OCRL: variants seen among roughly 807,000 people sequenced by gnomAD.
OCRL encodes the protein inositol polyphosphate 5-phosphatase OCRL.
OCRL carries 8 observed loss-of-function variants against 78.9 expected under a neutral mutation model. That is an observed-to-expected ratio of 0.10 (90% CI 0.06 to 0.18). OCRL has a LOEUF of 0.18. OCRL is among the 10% of genes least tolerant of loss of function. The pLI, the probability that OCRL is intolerant of heterozygous loss-of-function variation, is 1.00. For synonymous variants in OCRL, 240 were observed against 235.4 expected (o/e 1.02, Z -0.18); for missense variants, 454 against 696.7 (o/e 0.65, Z 3.92).
Position 129,558,621 on chromosome X carries a change from T to G in OCRL, c.440-12T>G. ...TTTTTCCCCGTTTGACTTTGGGGTCTGTGTCTTTCAGGGCTTCTTGGATTT... is the reference window on the plus strand; with the variant it reads ...TTTTTCCCCGTTTGACTTTGGGGTCGGTGTCTTTCAGGGCTTCTTGGATTT... On this transcript the variant is annotated splice_polypyrimidine_tract_variant and intron_variant, in intron 6 of 23. Coordinates refer to ENST00000371113, the MANE Select transcript of OCRL (RefSeq NM_000276.4). The G allele has an allele frequency of 8.3e-7, 1 of 1,211,371 alleles. No individual in the cohort carries two copies. Among genetic ancestry groups the G allele is most frequent in the Non-Finnish European group, 1.1e-6 (1 of 894,989 alleles).
rs757758367 is a variant in OCRL at position 129,559,380 on chromosome X, A to G, written c.722+379A>G. Among the ~76,000 whole-genome samples, 14 of 111,752 alleles carry G rather than the reference A, an allele frequency of 1.3e-4. No individual in the cohort carries two copies. In the South Asian group the frequency reaches 1.9e-3, roughly 15 times the overall value. On this transcript the variant is annotated intron_variant, in intron 8 of 23. Coordinates refer to ENST00000371113, the MANE Select transcript of OCRL (RefSeq NM_000276.4). Reference sequence around the variant, plus strand: ...CATCCAGCTAATATTTGTGTTTTTTATAGAGACTGGGTTTCACCAGGTTGC... The same window carrying G: ...CATCCAGCTAATATTTGTGTTTTTTGTAGAGACTGGGTTTCACCAGGTTGC...
chrX:129,572,162 A>G (rs954012367), intron 15 of OCRL, among the ~76,000 whole-genome samples: 4 of 112,176 alleles, frequency 3.6e-5, no homozygotes, highest in Non-Finnish European at 5.6e-5. Flanking sequence ...AGACCTTTGT[A>G]TATGCTTTTT....
At chrX:129,547,156 C>A (rs983433483) in intron 3 of OCRL, among the ~76,000 whole-genome samples, 22 of 111,113 alleles carry the variant, frequency 2.0e-4, no homozygotes, top group East Asian at 1.1e-3. Context: ...TTGAGCCCAG[C>A]AGTTCGAGGC....
chrX:129,566,286 A>AGCT (rs2124409873), intron 13 of OCRL, among the ~76,000 whole-genome samples: 1 of 111,774 alleles, frequency 8.9e-6, no homozygotes, highest in African/African-American at 3.3e-5. Flanking sequence ...GCTGAGGAAC[A>AGCT]GCTTGGAGGT....
chrX:129,559,259 A>G (rs1324922937), intron 8 of OCRL, among the ~76,000 whole-genome samples: 1 of 111,333 alleles, frequency 9.0e-6, no homozygotes, highest in African/African-American at 3.3e-5. Context: ...TGGAGAGCAG[A>G]TAGATCATGG....
intron 15 of OCRL, among the ~76,000 whole-genome samples, chrX:129,572,140 C>A (rs1382335156): frequency 8.9e-6 from 1 of 112,350 alleles, no homozygotes; most frequent in African/African-American, 3.2e-5. Flanking sequence ...TTGTACTGGA[C>A]AGTGCAGTTC....
chrX:129,573,819 C>T (rs753542530), intron 15 of OCRL, among the ~76,000 whole-genome samples: 5 of 111,913 alleles, frequency 4.5e-5, no homozygotes, highest in African/African-American at 1.6e-4. Flanking sequence ...CTCGGCCTCC[C>T]GCAGTGCTAG....
At position 129,547,506 on chromosome X, in the gene OCRL, C is replaced by A. The variant is rs1477524825; in HGVS notation, c.200-1057C>A. Among the ~76,000 whole-genome samples, 6 of 79,380 alleles carry A rather than the reference C, an allele frequency of 7.6e-5. No individual in the cohort carries two copies. In the Admixed American group the frequency reaches 1.1e-3, roughly 14 times the overall value. The allele number at this position is 79,380 out of a possible 115,157, so 68.9% of individuals were successfully genotyped here. A position where few individuals can be genotyped will look rare whatever the true frequency, so the allele number is the denominator to read the frequency against. ...TGCCACTGCACTCCAGCCTGGGTGA[C>A]AGAGCAAGACTCCGTCTCAAAAAAA... On this transcript the variant is annotated intron_variant, in intron 3 of 23. Coordinates refer to ENST00000371113, the MANE Select transcript of OCRL (RefSeq NM_000276.4).
At chrX:129,575,507 C>G (rs1401725477) in intron 16 of OCRL, 5 of 389,960 alleles carry the variant, frequency 1.3e-5, no homozygotes, top group Non-Finnish European at 2.2e-5. Context: ...ATGCAAAGCT[C>G]TCAGAACAGC....
chrX:129,585,080 T>G (rs1473876190), intron 19 of OCRL, among the ~76,000 whole-genome samples: 9 of 112,510 alleles, frequency 8.0e-5, no homozygotes, highest in African/African-American at 2.9e-4. Context: ...TGAATGTGTC[T>G]TGTTGAAAGA....
At chrX:129,565,681 T>G in intron 12 of OCRL, 91 bp from the exon 13 acceptor site, 1 of 678,745 alleles carries the variant, frequency 1.5e-6, no homozygotes, top group Non-Finnish European at 2.4e-6. Flanking sequence ...TGAGCCCTTA[T>G]CAATAATCTA....
chrX:129,562,410 G>A lies in OCRL; in HGVS notation c.966G>A (p.Met322Ile). ...KKVQLVRLVGMMLLIFARKDQ... is the reference protein window; with the variant it reads ...KKVQLVRLVGIMLLIFARKDQ... ...TTCAACTGGTGCGCCTTGTTGGGAT[G>A]ATGCTTCTTATATTTGCCAGAAAGG... Residue 322 changes from methionine to isoleucine, a missense_variant, in exon 11 of 24, where the codon ATG becomes ATA. By Grantham distance (10) the Met-to-Ile change is conservative. Transcript: ENST00000371113. The A allele has an allele frequency of 8.3e-7, 1 of 1,210,817 alleles. No individual in the cohort carries two copies. Among genetic ancestry groups the A allele is most frequent in the Non-Finnish European group, 1.1e-6 (1 of 894,539 alleles).
At chrX:129,565,321 G>C in intron 12 of OCRL, among the ~76,000 whole-genome samples, 1 of 111,833 alleles carries the variant, frequency 8.9e-6, no homozygotes, top group Non-Finnish European at 1.9e-5. Context: ...ACTTTTCTTA[G>C]TGGGTCCTGC....
intron 18 of OCRL, 91 bp from the exon 19 acceptor site, chrX:129,584,249 TAGTG>T (rs1936481517): frequency 6.9e-6 from 5 of 729,755 alleles, no homozygotes; most frequent in East Asian, 3.2e-5. Flanking sequence ...TCTGGTAAGA[TAGTG>T]AGTTCTAATA....
At chrX:129,544,922 A>G (rs759051484) in intron 2 of OCRL, 36 bp from the exon 3 acceptor site, 7 of 859,513 alleles carry the variant, frequency 8.1e-6, no homozygotes, top group Non-Finnish European at 1.2e-5. Context: ...TGAGTTTTTC[A>G]GTGGCTGTTC....
At chrX:129,567,386 A>T in intron 14 of OCRL, 23 bp downstream of exon 14, 1 of 1,011,941 alleles carries the variant, frequency 9.9e-7, no homozygotes, top group Non-Finnish European at 1.4e-6. Flanking sequence ...GAACCTTCTC[A>T]CAGAGAAGGT....
intron 14 of OCRL, among the ~76,000 whole-genome samples, chrX:129,568,296 A>G (rs1936249911): frequency 9.0e-6 from 1 of 111,113 alleles, no homozygotes; most frequent in Non-Finnish European, 1.9e-5. Context: ...TCTACCTACT[A>G]TCTCTTTCTT....
chrX:129,589,936 G>A lies in OCRL; in HGVS notation c.2561G>A (p.Ser854Asn). The A allele has an allele frequency of 8.3e-7, 1 of 1,202,845 alleles. No homozygotes were observed. The highest frequency in any genetic ancestry group is 1.1e-6 in the Non-Finnish European group (1 of 887,400). The change falls in exon 23 of 24, where the codon AGC (serine) becomes AAC (asparagine). Residue 854 changes from serine to asparagine, a missense_variant. Physicochemically the swap from Ser to Asn is conservative, Grantham distance 46. Coordinates refer to ENST00000371113, the MANE Select transcript of OCRL (RefSeq NM_000276.4). ...CTCTTAAAATTCTCTGAATACAATA[G>A]CGTCAATGCCAACATGATCGGTAAG... ...RELLKFSEYN[S>N]VNANMIATLF...
intron 14 of OCRL, 120 bp downstream of exon 14, chrX:129,567,483 A>G (rs1012410706): frequency 1.3e-4 from 63 of 500,189 alleles, no homozygotes; most frequent in Middle Eastern, 3.4e-4. Flanking sequence ...TATAAACCTA[A>G]TGGCTCAGTG....
Sources: allele counts gnomAD v4.1 joint callset (sites outside exome capture counted in the v4.1 genomes callset), GRCh38; gene constraint gnomAD v4.1.1; transcripts MANE v1.5; gene names NCBI Gene and HGNC (gene_info 2026-07-23, HGNC 2026-07-21).